SLC28A1: variants seen among roughly 807,000 people sequenced by gnomAD.
SLC28A1 encodes solute carrier family 28 member 1.
Under a neutral mutation model 74.8 loss-of-function variants are expected in SLC28A1, and 64 were observed. The ratio of observed to expected loss-of-function variants is 0.86; its 90% CI spans 0.70 to 1.05. The LOEUF is 1.05. SLC28A1 is among the 50% of genes least tolerant of loss of function. The pLI is 0.00. For synonymous variants in SLC28A1, 359 were observed against 335.0 expected (o/e 1.07, Z -0.78); for missense variants, 828 against 822.8 (o/e 1.01, Z -0.08).
chr15:84,953,966 C>T, the SLC28A1 span, among the ~76,000 whole-genome samples: 1 of 152,130 alleles, frequency 6.6e-6, no homozygotes, highest in Non-Finnish European at 1.5e-5. Flanking sequence ...CTCTGCCTAC[C>T]GCTGAGTTCC....
At chr15:84,906,675 G>A (rs1479873117) in intron 8 of SLC28A1, among the ~76,000 whole-genome samples, 1 of 139,394 alleles carries the variant, frequency 7.2e-6, no homozygotes, top group Non-Finnish European at 1.5e-5. Context: ...TTAGGTACAG[G>A]GTCTCCCTAT....
chr15:84,895,030 TG>T lies in SLC28A1; in HGVS notation c.371del (p.Gly124AlafsTer5). 6.2e-7 allele frequency: 1 copy of T among 1,614,154 alleles called. No homozygotes were observed. Among genetic ancestry groups the T allele is most frequent in the Non-Finnish European group, 8.5e-7 (1 of 1,180,028 alleles). On this transcript the variant is annotated frameshift_variant, in exon 6 of 19. Transcript: ENST00000394573. LOFTEE classifies it high-confidence loss of function. ...CTCACCTGTGTGGTCCTCACCTTCCTGGGCCACCGCCTGCTGAAACGGCTTC... is the reference window on the plus strand; with the variant it reads ...CTCACCTGTGTGGTCCTCACCTTCCTGGCCACCGCCTGCTGAAACGGCTTC... ...FVLTCVVLTF[L>X]GHRLLKRLLG...
At chr15:84,970,015 CA>C in the SLC28A1 span, among the ~76,000 whole-genome samples, 2 of 152,200 alleles carry the variant, frequency 1.3e-5, no homozygotes, top group African/African-American at 4.8e-5. Context: ...ATAGCTTAAA[CA>C]ACAAAGATGT....
At chr15:84,943,948 T>C (rs1466126012) in intron 16 of SLC28A1, among the ~76,000 whole-genome samples, 1 of 151,946 alleles carries the variant, frequency 6.6e-6, no homozygotes, top group Non-Finnish European at 1.5e-5. Context: ...TAGAGTTTCC[T>C]CCTAGCCCTA....
In SLC28A1 at chr15:84,915,853, G is replaced by T. The variant is rs113432338; in HGVS notation, c.796-2671G>T. On this transcript the variant is annotated intron_variant, in intron 9 of 18. Coordinates refer to ENST00000394573, the MANE Select transcript of SLC28A1 (RefSeq NM_004213.5). ...ACCCTTTAATGACACACTGACCACAGGGCCCTGTCCTTAGCTCCTGTTCTT... is the reference window on the plus strand; with the variant it reads ...ACCCTTTAATGACACACTGACCACATGGCCCTGTCCTTAGCTCCTGTTCTT... 2.9e-3 allele frequency among the ~76,000 whole-genome samples: 434 copies of T among 152,236 alleles called. 6 individuals are homozygous for T. Among genetic ancestry groups the T allele is most frequent in the African/African-American group, 0.01 (417 of 41,534 alleles).
intron 15 of SLC28A1, among the ~76,000 whole-genome samples, chr15:84,936,642 A>G (rs946061558): frequency 1.2e-4 from 19 of 152,238 alleles, no homozygotes; most frequent in Non-Finnish European, 2.9e-5. Context: ...TAAAAGTTCT[A>G]TAAAATTAAC....
downstream of SLC28A1, among the ~76,000 whole-genome samples, chr15:84,950,450 G>A (rs912560937): frequency 4.0e-5 from 6 of 151,256 alleles, no homozygotes; most frequent in African/African-American, 1.2e-4. Flanking sequence ...TCAGCTAGGC[G>A]CGGTAGCTCA....
rs1157382127 is a variant in SLC28A1, at chr15:84,935,449, C to A, written c.1512C>A (p.Leu504=). ...FLNEFVAYQD[L]SKYKQRRLAG... Reference sequence around the variant, plus strand: ...ACGAGTTTGTGGCCTATCAAGACCTCTCCAAGTACAAGCAACGCCGCCTGG... The same window carrying A: ...ACGAGTTTGTGGCCTATCAAGACCTATCCAAGTACAAGCAACGCCGCCTGG... The change falls in exon 15 of 19, where the codon CTC becomes CTA. Residue 504 remains leucine (L), a synonymous_variant. Coordinates refer to ENST00000394573, the MANE Select transcript of SLC28A1 (RefSeq NM_004213.5). 1 of 1,614,224 alleles carries A rather than the reference C, an allele frequency of 6.2e-7. No individual in the cohort carries two copies. The highest frequency in any genetic ancestry group is 1.3e-5 in the African/African-American group (1 of 75,054).
At chr15:84,920,909 G>T in intron 10 of SLC28A1, 80 bp from the exon 11 acceptor site, 1 of 1,103,452 alleles carries the variant, frequency 9.1e-7, no homozygotes, top group Non-Finnish European at 1.4e-6. Flanking sequence ...AGGAAACTGT[G>T]TAAGGTCTTC....
chr15:84,933,847 C>T (rs1024057191), intron 13 of SLC28A1, among the ~76,000 whole-genome samples: 9 of 152,182 alleles, frequency 5.9e-5, no homozygotes, highest in Admixed American at 1.3e-4. Flanking sequence ...TAAAGGCTCA[C>T]GCCTGTAATT....
At chr15:84,921,846 G>T (rs1263907656) in intron 11 of SLC28A1, among the ~76,000 whole-genome samples, 1 of 152,190 alleles carries the variant, frequency 6.6e-6, no homozygotes, top group Non-Finnish European at 1.5e-5. Flanking sequence ...CCCTTAAGGT[G>T]TTCAAAATGA....
chr15:84,950,680 G>A (rs2079389775), downstream of SLC28A1, among the ~76,000 whole-genome samples: 1 of 152,012 alleles, frequency 6.6e-6, no homozygotes, highest in Admixed American at 6.6e-5. Flanking sequence ...ACTCCAGCCT[G>A]GGTGACAAGA....
chr15:84,927,090 A>T (rs2141959181), intron 12 of SLC28A1, among the ~76,000 whole-genome samples: 1 of 152,138 alleles, frequency 6.6e-6, no homozygotes, highest in East Asian at 1.9e-4. Flanking sequence ...GTACCCTCCC[A>T]TCTAGAATTC....
At chr15:84,895,246 G>T in intron 6 of SLC28A1, 123 bp downstream of exon 6, 1 of 1,569,216 alleles carries the variant, frequency 6.4e-7, no homozygotes, top group South Asian at 1.1e-5. Context: ...ACTCTCTGGC[G>T]CCCCAGGGCA....
intron 6 of SLC28A1, among the ~76,000 whole-genome samples, chr15:84,901,260 C>T (rs1370157209): frequency 1.3e-5 from 2 of 152,236 alleles, no homozygotes; most frequent in African/African-American, 4.8e-5. Flanking sequence ...AACCCCAGCA[C>T]TTTGGGAGGC....
intron 9 of SLC28A1, among the ~76,000 whole-genome samples, chr15:84,912,632 A>G (rs1321280043): frequency 2.0e-5 from 3 of 151,870 alleles, no homozygotes; most frequent in South Asian, 2.1e-4. Context: ...TTCTTTCACT[A>G]TTGTTCTAGC....
At chr15:84,912,284 T>C (rs1031905620) in intron 9 of SLC28A1, among the ~76,000 whole-genome samples, 4 of 152,230 alleles carry the variant, frequency 2.6e-5, no homozygotes, top group African/African-American at 9.6e-5. Flanking sequence ...TTCTCTCTAT[T>C]CTTTCTATGA....
intron 9 of SLC28A1, among the ~76,000 whole-genome samples, chr15:84,912,845 C>CAA (rs1968545534): frequency 8.0e-6 from 1 of 124,796 alleles, no homozygotes; most frequent in Non-Finnish European, 1.9e-5. Context: ...CACACACACA[C>CAA]ACAGATCAAA....
chr15:84,943,583 C>A, intron 16 of SLC28A1, 57 bp downstream of exon 16: 3 of 1,347,806 alleles, frequency 2.2e-6, no homozygotes, highest in South Asian at 1.2e-5. Context: ...TGAACTTGCT[C>A]GGGACATGTA....
Sources: allele counts gnomAD v4.1 joint callset (sites outside exome capture counted in the v4.1 genomes callset), GRCh38; gene constraint gnomAD v4.1.1; transcripts MANE v1.5; gene names NCBI Gene and HGNC (gene_info 2026-07-23, HGNC 2026-07-21).